Variants in KIF6 observed in about 807,000 individuals in gnomAD.
KIF6 encodes the protein kinesin-like protein KIF6.
KIF6 carries 106 observed loss-of-function variants against 112.7 expected under a neutral mutation model. That is an observed-to-expected ratio of 0.94 (90% confidence interval 0.80 to 1.11). The LOEUF (loss-of-function observed/expected upper bound fraction) is 1.11, where lower values mean the gene tolerates loss of function less well. KIF6 is among the 50% of genes least tolerant of loss of function. KIF6 has a pLI of 0.00. For missense variants in KIF6, 929 were observed against 964.0 expected, an observed-to-expected ratio of 0.96 and a Z score of 0.48; for synonymous variants, 339 against 339.9, an observed-to-expected ratio of 1.00 and a Z score of 0.03.
At chr6:39,476,988 T>A (rs180850558) in intron 13 of KIF6, among the ~76,000 whole-genome samples, 3 of 152,310 alleles carry the variant, frequency 2.0e-5, no homozygotes, top group Admixed American at 1.3e-4. Flanking sequence ...GATTTACAAA[T>A]CTTGACTGAA....
At chr6:39,722,965 A>C (rs1179831713) in intron 1 of KIF6, among the ~76,000 whole-genome samples, 1 of 152,188 alleles carries the variant, frequency 6.6e-6, no homozygotes, top group East Asian at 1.9e-4. Context: ...TATTAAATCC[A>C]AGACTCTCCA....
chr6:39,685,281 G>A (rs1179864839), intron 3 of KIF6, among the ~76,000 whole-genome samples: 1 of 152,158 alleles, frequency 6.6e-6, no homozygotes, highest in Non-Finnish European at 1.5e-5. Flanking sequence ...AACAAATGGA[G>A]GACTGGCCTT....
chr6:39,400,018 C>T (rs1311822043), intron 15 of KIF6, among the ~76,000 whole-genome samples: 1 of 152,216 alleles, frequency 6.6e-6, no homozygotes, highest in Non-Finnish European at 1.5e-5. Flanking sequence ...CGCTCCAGAG[C>T]AGTGCTTGGA....
rs147001099 is a variant in KIF6, at chr6:39,586,853, G to A, written c.847-449C>T. Among the ~76,000 whole-genome samples the A allele has an allele frequency of 7.6e-4, 116 of 152,270 alleles. No individual in the cohort carries two copies. In the Middle Eastern group the frequency reaches 0.01, roughly 13 times the overall value. ...GATTCTCATGCAAGATTGTCTAGGT[G>A]CAAGTCCTGGCTTTCCTAGGGCACA... On this transcript the variant is annotated intron_variant, in intron 7 of 22. Coordinates refer to ENST00000287152, the MANE Select transcript of KIF6 (RefSeq NM_145027.6).
chr6:39,425,914 C>T (rs987033875), intron 14 of KIF6, among the ~76,000 whole-genome samples: 3 of 152,096 alleles, frequency 2.0e-5, no homozygotes, highest in East Asian at 1.9e-4. Flanking sequence ...TCTCCACCCT[C>T]GGTCCGGTTT....
At chr6:39,492,453 C>CA (rs1302296451) in intron 13 of KIF6, among the ~76,000 whole-genome samples, 1 of 152,228 alleles carries the variant, frequency 6.6e-6, no homozygotes, top group Non-Finnish European at 1.5e-5. Flanking sequence ...GAAGTTTCCT[C>CA]AGTTGCAAAT....
intron 3 of KIF6, among the ~76,000 whole-genome samples, chr6:39,686,663 C>T (rs982158261): frequency 6.6e-6 from 1 of 152,110 alleles, no homozygotes; most frequent in Non-Finnish European, 1.5e-5. Flanking sequence ...CCTAACCCCC[C>T]ACATTAGAAA....
chr6:39,501,072 A>G (rs1287881557), intron 13 of KIF6, among the ~76,000 whole-genome samples: 2 of 152,186 alleles, frequency 1.3e-5, no homozygotes, highest in Non-Finnish European at 2.9e-5. Flanking sequence ...GGAAACAACT[A>G]GACCCATGAA....
chr6:39,557,956 C>A (rs1252339108), intron 10 of KIF6, among the ~76,000 whole-genome samples: 2 of 148,540 alleles, frequency 1.3e-5, no homozygotes, highest in South Asian at 4.2e-4. Context: ...TTTTTTTTTG[C>A]CCGTTATCAC....
intron 10 of KIF6, among the ~76,000 whole-genome samples, chr6:39,572,315 A>G (rs890944402): frequency 1.3e-5 from 2 of 152,170 alleles, no homozygotes; most frequent in African/African-American, 4.8e-5. Flanking sequence ...GTGTGTATAT[A>G]TGTGTCTGTA....
chr6:39,557,902 T>C (rs754178096), intron 10 of KIF6, among the ~76,000 whole-genome samples: 5 of 151,142 alleles, frequency 3.3e-5, no homozygotes, highest in African/African-American at 9.7e-5. Flanking sequence ...CCAGTAATAA[T>C]ACTTGTTATC....
At chr6:39,714,568 T>C (rs1789723455) in intron 3 of KIF6, 124 bp downstream of exon 3, 3 of 648,806 alleles carry the variant, frequency 4.6e-6, no homozygotes, top group Non-Finnish European at 8.3e-6. Context: ...AATGCCATCA[T>C]CATTACATGT....
At chr6:39,402,644 T>C (rs1257826237) in intron 15 of KIF6, among the ~76,000 whole-genome samples, 1 of 152,180 alleles carries the variant, frequency 6.6e-6, no homozygotes, top group African/African-American at 2.4e-5. Context: ...AGTGACCTAT[T>C]ACTCCACCAA....
At chr6:39,353,890 ACTG>A in intron 19 of KIF6, 1 of 569,602 alleles carries the variant, frequency 1.8e-6, no homozygotes, top group Admixed American at 2.1e-5. Flanking sequence ...GCCAGTTCCT[ACTG>A]CTAAGTGGAG....
chr6:39,601,225 C>A (rs1782552974), intron 6 of KIF6, among the ~76,000 whole-genome samples: 1 of 152,086 alleles, frequency 6.6e-6, no homozygotes, highest in African/African-American at 2.4e-5. Context: ...GGATATCCAA[C>A]CCATCCTACT....
intron 18 of KIF6, among the ~76,000 whole-genome samples, chr6:39,358,710 G>C (rs569677291): frequency 1.2e-4 from 18 of 152,314 alleles, no homozygotes; most frequent in African/African-American, 4.3e-4. Context: ...ATGTGGATGG[G>C]AGCCAATCAC....
intron 17 of KIF6, among the ~76,000 whole-genome samples, chr6:39,362,177 C>CATATTTCTTGCCA (rs1316217964): frequency 2.0e-5 from 3 of 152,162 alleles, no homozygotes; most frequent in Non-Finnish European, 4.4e-5. Flanking sequence ...TTTCTTGGCT[C>CATATTTCTTGCCA]CCGTAGGTGG....
intron 3 of KIF6, among the ~76,000 whole-genome samples, chr6:39,678,316 G>T (rs1043377776): frequency 6.6e-6 from 1 of 152,194 alleles, no homozygotes; most frequent in Non-Finnish European, 1.5e-5. Flanking sequence ...ATACCCAAAT[G>T]AGTATAATTC....
chr6:39,460,533 A>G (rs1222819826), intron 13 of KIF6, among the ~76,000 whole-genome samples: 1 of 141,858 alleles, frequency 7.0e-6, no homozygotes, highest in Non-Finnish European at 1.5e-5. Flanking sequence ...ATAAAAAAAA[A>G]AGTAAAAAAA....
Sources: gnomAD v4.1 joint callset for allele counts (sites outside exome capture counted in the v4.1 genomes callset) on GRCh38, gnomAD v4.1.1 for gene constraint, MANE v1.5 for transcripts, NCBI Gene and HGNC (gene_info 2026-07-23, HGNC 2026-07-21) for gene names.